Variants in PEDS1 observed in about 807,000 individuals in gnomAD.
PEDS1 encodes the protein CarF homolog.
Under a neutral mutation model 35.2 loss-of-function variants are expected in PEDS1, and 14 were observed. The observed-to-expected ratio is 0.40, with a 90% CI of 0.26 to 0.62. The LOEUF is 0.62. Ranked by LOEUF, PEDS1 falls within the 20% of genes least tolerant of loss-of-function variation. The pLI is 0.44. For missense variants in PEDS1, 260 were observed against 367.8 expected (o/e 0.71, Z 2.40); for synonymous variants, 152 against 152.0 (o/e 1.00, Z 0.00).
chr20:50,152,721 C>T (rs928147504), intron 1 of PEDS1, among the ~76,000 whole-genome samples: 3 of 152,018 alleles, frequency 2.0e-5, no homozygotes, highest in East Asian at 1.9e-4. Context: ...AAGGAAGGGG[C>T]CAATACATGG....
Position 50,124,956 on chromosome 20 carries a change from C to T in PEDS1, c.*102G>A, listed in dbSNP as rs139346170. ...ACCTGGGCCCAGCCCAGGAGATGTCCTCTCCATCTGGAGGGGCCAGCTCAA... is the reference window on the plus strand; with the variant it reads ...ACCTGGGCCCAGCCCAGGAGATGTCTTCTCCATCTGGAGGGGCCAGCTCAA... On this transcript the variant is annotated 3_prime_UTR_variant, in exon 6 of 6. Coordinates refer to ENST00000371652, the MANE Select transcript of PEDS1 (RefSeq NM_199129.4). 2 of 1,523,018 alleles carry T rather than the reference C, an allele frequency of 1.3e-6. 1 individual carries two copies. Among genetic ancestry groups the T allele is most frequent in the Non-Finnish European group, 1.8e-6 (2 of 1,116,288 alleles). The allele number at this position is 1,523,018 out of a possible 1,614,324, so 94.3% of individuals were successfully genotyped here. A position where few individuals can be genotyped will look rare whatever the true frequency, so the allele number is the denominator to read the frequency against.
At chr20:50,127,154 T>C (rs2081115367) in intron 5 of PEDS1, among the ~76,000 whole-genome samples, 1 of 152,144 alleles carries the variant, frequency 6.6e-6, no homozygotes, top group African/African-American at 2.4e-5. Context: ...CTCGGGGTCT[T>C]TGTTCAAGTG....
intron 1 of PEDS1, among the ~76,000 whole-genome samples, chr20:50,151,593 C>T (rs941214912): frequency 6.6e-6 from 1 of 152,214 alleles, no homozygotes; most frequent in Admixed American, 6.5e-5. Flanking sequence ...GGCACAGTGG[C>T]TCACGCCTGT....
chr20:50,122,877 C>G lies in PEDS1; in HGVS notation c.*2181G>C, dbSNP rs1378527231. ...AGCACTTTGGAAGGCCAAGGCGGAT[C>G]ACTTGAGGCCAGGAGTTCAAGACCA... On this transcript the variant is annotated 3_prime_UTR_variant, in exon 6 of 6. Coordinates refer to ENST00000371652, the MANE Select transcript of PEDS1 (RefSeq NM_199129.4). 1.3e-5 allele frequency: 2 copies of G among 151,512 alleles called. No individual in the cohort carries two copies. Among genetic ancestry groups the G allele is most frequent in the Non-Finnish European group, 2.9e-5 (2 of 68,014 alleles). The allele number at this position is 151,512 out of a possible 1,614,324, so 9.4% of individuals were successfully genotyped here.
chr20:50,127,113 C>A (rs1301800634), intron 5 of PEDS1, among the ~76,000 whole-genome samples: 7 of 152,206 alleles, frequency 4.6e-5, no homozygotes, highest in Non-Finnish European at 1.0e-4. Flanking sequence ...GTGCCTCCCA[C>A]AGAGGTCTGC....
chr20:50,129,087 G>A lies in PEDS1; in HGVS notation c.478+459C>T, dbSNP rs2081144870. ...AGATAAGGCAACTGAGGCTCAGAGT[G>A]GTGAAATCACTTACTTTGGGACCAG... is the stretch of plus-strand genomic sequence containing the variant. On this transcript the variant is annotated intron_variant, in intron 4 of 5. Coordinates refer to ENST00000371652, the MANE Select transcript of PEDS1 (RefSeq NM_199129.4). This position sits in a 1 kb window ranked among gnomAD's most constrained non-coding sequence, Gnocchi z 4.2. 6.6e-6 allele frequency among the ~76,000 whole-genome samples: 1 copy of A among 152,234 alleles called. No homozygotes were observed. Among genetic ancestry groups the A allele is most frequent in the Non-Finnish European group, 1.5e-5 (1 of 68,046 alleles).
intron 1 of PEDS1, chr20:50,151,191 T>G (rs891340889): frequency 1.6e-6 from 2 of 1,268,774 alleles, no homozygotes; most frequent in East Asian, 5.6e-5. Flanking sequence ...AGAAACCAGT[T>G]TGGCAAGTCT....
chr20:50,144,810 T>G (rs1385184152), intron 1 of PEDS1, among the ~76,000 whole-genome samples: 1 of 151,738 alleles, frequency 6.6e-6, no homozygotes, highest in Non-Finnish European at 1.5e-5. Flanking sequence ...CCATTTATGT[T>G]AAAAAAAAAT....
chr20:50,129,744 C>T lies in PEDS1; in HGVS notation c.334-54G>A, dbSNP rs529407650. On this transcript the variant is annotated intron_variant, in intron 3 of 5. Transcript: ENST00000371652. This position sits in a 1 kb window ranked among gnomAD's most constrained non-coding sequence, Gnocchi z 4.2. The stretch of plus-strand genomic sequence containing the variant: ...AGTCAGCCTAAGGTGGTCAGCTGCT[C>T]TCCACAGCCCCCTAAACACATTCAC... 2.2e-4 allele frequency: 353 copies of T among 1,602,702 alleles called. No individual in the cohort carries two copies. In the African/African-American group the frequency reaches 4.1e-3, roughly 19 times the overall value.
At chr20:50,131,348 C>A (rs1313764348) in intron 2 of PEDS1, among the ~76,000 whole-genome samples, 1 of 152,130 alleles carries the variant, frequency 6.6e-6, no homozygotes, top group Non-Finnish European at 1.5e-5. Flanking sequence ...CGGCCAGGTG[C>A]GGTGGCTCAT....
rs59829432 is a variant in PEDS1 at position 50,120,268 on chromosome 20, A to AAAACAAACAAAC, written c.*4778_*4789dup. ...CAACAGAGCAAGACCCTGTCTCTAA[A>AAAACAAACAAAC]AAACAAACAAACAAACAAACAAACA... On this transcript the variant is annotated 3_prime_UTR_variant, in exon 6 of 6. Transcript: ENST00000371652. 16,233 of 194,138 alleles carry AAAACAAACAAAC rather than the reference A, an allele frequency of 0.084. 1,135 individuals are homozygous for AAAACAAACAAAC. Among genetic ancestry groups the AAAACAAACAAAC allele is most frequent in the East Asian group, 0.19 (1,199 of 6,340 alleles). 12.0% of individuals were successfully genotyped at this position (194,138 alleles called of 1,614,324 possible). A position where few individuals can be genotyped will look rare whatever the true frequency, so the allele number is the denominator to read the frequency against.
intron 3 of PEDS1, 89 bp downstream of exon 3, chr20:50,130,767 G>A (rs1381281745): frequency 1.3e-6 from 2 of 1,510,524 alleles, no homozygotes; most frequent in Non-Finnish European, 1.8e-6. Flanking sequence ...TTTCAGATAG[G>A]GAAACAGTCT....
At chr20:50,127,599 G>A (rs1173428765) in intron 5 of PEDS1, among the ~76,000 whole-genome samples, 1 of 152,168 alleles carries the variant, frequency 6.6e-6, no homozygotes, top group African/African-American at 2.4e-5. Context: ...ACCCGCCTTG[G>A]CCTCCCAAAG....
chr20:50,153,417 A>C, intron 1 of PEDS1, 100 bp downstream of exon 1: 1 of 1,233,548 alleles, frequency 8.1e-7, no homozygotes, highest in Non-Finnish European at 1.0e-6. Flanking sequence ...CCCGGGCTGG[A>C]GTTCCGCATC....
At position 50,129,276 on chromosome 20, in the gene PEDS1, C is replaced by A. The variant is rs565886490; in HGVS notation, c.478+270G>T. 1.1e-4 allele frequency among the ~76,000 whole-genome samples: 17 copies of A among 152,216 alleles called. No homozygotes were observed. Among genetic ancestry groups the A allele is most frequent in the African/African-American group, 3.9e-4 (16 of 41,534 alleles). Reference sequence around the variant, plus strand: ...TGGGGACGGTGGTAAACTGGAAAGACGCGTCCTGTCAAAGGCAGTGGCTGC... The same window carrying A: ...TGGGGACGGTGGTAAACTGGAAAGAAGCGTCCTGTCAAAGGCAGTGGCTGC... On this transcript the variant is annotated intron_variant, in intron 4 of 5. Transcript: ENST00000371652. This position sits in a 1 kb window ranked among gnomAD's most constrained non-coding sequence, Gnocchi z 4.2.
At chr20:50,139,015 G>C (rs1412380228) in intron 2 of PEDS1, among the ~76,000 whole-genome samples, 9 of 152,180 alleles carry the variant, frequency 5.9e-5, no homozygotes, top group Non-Finnish European at 1.3e-4. Context: ...AGGCGTGGCT[G>C]AGGAGCCAAG....
chr20:50,125,357 C>T (rs2081089147), intron 5 of PEDS1, among the ~76,000 whole-genome samples, 178 bp from the exon 6 acceptor site: 1 of 152,192 alleles, frequency 6.6e-6, no homozygotes, highest in Non-Finnish European at 1.5e-5. Flanking sequence ...GGCCTGGGGC[C>T]ACTCAGGCCT....
In PEDS1 at chr20:50,124,527, C is replaced by T. The variant is rs2081078791; in HGVS notation, c.*531G>A. On this transcript the variant is annotated 3_prime_UTR_variant, in exon 6 of 6. Transcript: ENST00000371652. Reference sequence around the variant, plus strand: ...TCTTCTGGCCGGCTACCCTCAGACCCCTGCTGAGCTTCACCATCCTTGGGG... The same window carrying T: ...TCTTCTGGCCGGCTACCCTCAGACCTCTGCTGAGCTTCACCATCCTTGGGG... 6.5e-6 allele frequency: 1 copy of T among 154,644 alleles called. No homozygotes were observed. Among genetic ancestry groups the T allele is most frequent in the Admixed American group, 6.3e-5 (1 of 15,810 alleles). 9.6% of individuals were successfully genotyped at this position (154,644 alleles called of 1,614,324 possible). A position where few individuals can be genotyped will look rare whatever the true frequency, so the allele number is the denominator to read the frequency against.
At chr20:50,152,323 C>T (rs1330060753) in intron 1 of PEDS1, among the ~76,000 whole-genome samples, 1 of 152,188 alleles carries the variant, frequency 6.6e-6, no homozygotes, top group Admixed American at 6.5e-5. Flanking sequence ...GACCCCAGGC[C>T]CACTCCAGGC....
Sources: allele counts gnomAD v4.1 joint callset (sites outside exome capture counted in the v4.1 genomes callset), GRCh38; gene constraint gnomAD v4.1.1; non-coding constraint Gnocchi (gnomAD v3.1); transcripts MANE v1.5; gene names NCBI Gene and HGNC (gene_info 2026-07-23, HGNC 2026-07-21).